COL3A1: variants seen among roughly 807,000 people sequenced by gnomAD.
The protein encoded by COL3A1 is collagen type III alpha 1 chain.
In COL3A1, 46 loss-of-function variants were observed where a neutral mutation model predicts 200.9. The ratio of observed to expected loss-of-function variants is 0.23; its 90% CI spans 0.18 to 0.29. The LOEUF (loss-of-function observed/expected upper bound fraction) is 0.29. Among genes scored for constraint, COL3A1 ranks in the 10% least tolerant of loss-of-function variants. The pLI is 1.00. For synonymous variants in COL3A1, 650 were observed against 628.0 expected (o/e 1.03, Z -0.52); for missense variants, 1,367 against 1,917.6 (o/e 0.71, Z 5.36).
intron 32 of COL3A1, 27 bp from the exon 33 acceptor site, chr2:189,001,370 A>G: frequency 6.2e-7 from 1 of 1,607,944 alleles, no homozygotes; most frequent in Non-Finnish European, 8.5e-7. Context: ...TATCTTCAAA[A>G]TTAAAAAATA....
At chr2:188,995,669 T>C (rs1263257887) in intron 21 of COL3A1, 23 bp from the exon 22 acceptor site, 2 of 1,525,520 alleles carry the variant, frequency 1.3e-6, no homozygotes, top group African/African-American at 2.8e-5. Context: ...TTTAATTTTT[T>C]TAAAATTTCT....
intron 1 of COL3A1, 87 bp downstream of exon 1, chr2:188,974,655 G>A (rs1276046575): frequency 3.8e-6 from 4 of 1,046,292 alleles, no homozygotes; most frequent in African/African-American, 1.6e-5. Context: ...AAAATCAGTT[G>A]CCTGATTCAA....
At chr2:188,996,362 T>C (rs971616296) in intron 23 of COL3A1, 36 bp from the exon 24 acceptor site, 17 of 1,546,182 alleles carry the variant, frequency 1.1e-5, no homozygotes, top group Non-Finnish European at 1.5e-5. Context: ...ATCTTCTCTT[T>C]ATCAAACCTT....
In COL3A1 at chr2:189,010,382, CT is replaced by C. The variant is rs761798265; in HGVS notation, c.4011+24del. 3 of 1,613,062 alleles carry C rather than the reference CT, an allele frequency of 1.9e-6. No homozygotes were observed. Among genetic ancestry groups the C allele is most frequent in the Non-Finnish European group, 1.7e-6 (2 of 1,179,136 alleles). On this transcript the variant is annotated intron_variant, in intron 49 of 50. Coordinates refer to ENST00000304636, the MANE Select transcript of COL3A1 (RefSeq NM_000090.4). ...GGTTTTCAGGTAGGAAAGGATATAC[CT>C]TTTTTTAAATAAGTCACCTCTATAT...
rs1041467580 is a variant in COL3A1 at position 188,991,365 on chromosome 2, T to C, written c.853-122T>C. The C allele has an allele frequency of 1.6e-4, 111 of 684,686 alleles. 2 individuals are homozygous for C. The South Asian group carries it at 2.6e-3, about 16-fold the overall frequency. 42.4% of individuals were successfully genotyped at this position (684,686 alleles called of 1,614,324 possible). On this transcript the variant is annotated intron_variant, in intron 11 of 50. Coordinates refer to ENST00000304636, the MANE Select transcript of COL3A1 (RefSeq NM_000090.4). ...AAATAAAATACTAACAGAAAATTAA[T>C]ATTGTTAAAATGTATATCTTTTTCT... is the stretch of plus-strand genomic sequence containing the variant.
chr2:188,992,794 C>T lies in COL3A1; in HGVS notation c.997-93C>T, dbSNP rs565578050. ...ATATCATTTTTATCTGCATAAATAT[C>T]TTCTTTACTTTATATGTGCTCACTT... On this transcript the variant is annotated intron_variant, in intron 14 of 50. Coordinates refer to ENST00000304636, the MANE Select transcript of COL3A1 (RefSeq NM_000090.4). The T allele has an allele frequency of 7.6e-3, 7,398 of 969,798 alleles. 53 individuals carry two copies. The highest frequency in any genetic ancestry group is 0.011 in the Non-Finnish European group (6,363 of 594,262). The allele number at this position is 969,798 out of a possible 1,614,324, so 60.1% of individuals were successfully genotyped here.
At position 189,006,917 on chromosome 2, in the gene COL3A1, A is replaced by G. The variant is rs1688597270; in HGVS notation, c.3202-20A>G. 6.2e-7 allele frequency: 1 copy of G among 1,612,934 alleles called. No homozygotes were observed. The highest frequency in any genetic ancestry group is 1.1e-5 in the South Asian group (1 of 91,052). On this transcript the variant is annotated intron_variant, in intron 43 of 50. Coordinates refer to ENST00000304636, the MANE Select transcript of COL3A1 (RefSeq NM_000090.4). Reference sequence around the variant, plus strand: ...AACTAGTTCCGTGTATGTCTTCTCAATTGAATGTTTTCATCTTAGGGCCCT... The same window carrying G: ...AACTAGTTCCGTGTATGTCTTCTCAGTTGAATGTTTTCATCTTAGGGCCCT...
In COL3A1 at chr2:189,010,850, A is replaced by G. The variant is rs1688708577; in HGVS notation, c.4214A>G (p.Asn1405Ser). Reference protein sequence around the residue: ...SNEGEFKAEGNSKFTYTVLED... With the variant: ...SNEGEFKAEGSSKFTYTVLED... ...GAAGGTGAATTCAAGGCTGAAGGAA[A>G]TAGCAAATTCACCTACACAGTTCTG... Residue 1405 changes from asparagine (N) to serine (S), a missense_variant, in exon 50 of 51, where the codon AAT becomes AGT. Transcript: ENST00000304636. 1 of 1,614,216 alleles carries G rather than the reference A, an allele frequency of 6.2e-7. No individual in the cohort carries two copies. The highest frequency in any genetic ancestry group is 1.7e-5 in the Admixed American group (1 of 60,032).
Position 188,998,692 on chromosome 2 carries a change from G to T in COL3A1, c.1996G>T (p.Gly666Cys). 1 of 1,613,842 alleles carries T rather than the reference G, an allele frequency of 6.2e-7. No individual in the cohort carries two copies. Among genetic ancestry groups the T allele is most frequent in the Non-Finnish European group, 8.5e-7 (1 of 1,179,866 alleles). ...PGEPGPKGDA[G>C]APGAPGGKGD... is the part of the protein sequence containing the mutation. ...CTCCCAGGGTCCAAAGGGTGATGCC[G>T]GTGCACCTGGAGCTCCAGGAGGCAA... Residue 666 changes from glycine (G) to cysteine (C), a missense_variant, in exon 29 of 51, where the codon GGT becomes TGT. Gly to Cys is a radical substitution (Grantham distance 159). Around this residue, in one of 5 missense-constraint regions of COL3A1, gnomAD observed 846 missense variants for 1,147.9 expected, o/e 0.74. Transcript: ENST00000304636.
intron 1 of COL3A1, among the ~76,000 whole-genome samples, chr2:188,977,051 C>T (rs1687835468): frequency 6.6e-6 from 1 of 152,098 alleles, no homozygotes; most frequent in Non-Finnish European, 1.5e-5. Context: ...GACACGAAAA[C>T]ACAATGGTAA....
chr2:188,984,556 G>T (rs540813025), intron 1 of COL3A1, among the ~76,000 whole-genome samples: 1 of 151,990 alleles, frequency 6.6e-6, no homozygotes, highest in Non-Finnish European at 1.5e-5. Flanking sequence ...CCAATTTTAT[G>T]TTAACAAGCA....
chr2:189,008,741 A>G, intron 47 of COL3A1, 183 bp from the exon 48 acceptor site: 2 of 643,270 alleles, frequency 3.1e-6, no homozygotes, highest in Non-Finnish European at 5.5e-6. Context: ...TTGATAATGA[A>G]TTGTAGTTAT....
Position 188,987,146 on chromosome 2 carries a change from A to T in COL3A1, c.528+7A>T. ...AGGCTATCCTGGACCAGCTGTACGT[A>T]CAAATGTTTCTCAGCATTTTGGAGC... is the stretch of plus-strand genomic sequence containing the variant. On this transcript the variant is annotated splice_region_variant and intron_variant, in intron 5 of 50. Transcript: ENST00000304636. 6.2e-7 allele frequency: 1 copy of T among 1,608,818 alleles called. No homozygotes were observed.
Position 188,994,906 on chromosome 2 carries a change from C to A in COL3A1, c.1455+75C>A. 1.3e-6 allele frequency: 2 copies of A among 1,573,052 alleles called. No homozygotes were observed. Among genetic ancestry groups the A allele is most frequent in the Non-Finnish European group, 1.7e-6 (2 of 1,143,620 alleles). ...AAATAAAACTACCTTCAGGGTGAGACAGCCAATTTTTCTTAAGTTGAGTGT... is the reference window on the plus strand; with the variant it reads ...AAATAAAACTACCTTCAGGGTGAGAAAGCCAATTTTTCTTAAGTTGAGTGT... On this transcript the variant is annotated intron_variant, in intron 20 of 50. Coordinates refer to ENST00000304636, the MANE Select transcript of COL3A1 (RefSeq NM_000090.4). This position sits in a 1 kb window ranked among gnomAD's most constrained non-coding sequence, Gnocchi z 4.5.
At position 188,980,033 on chromosome 2, in the gene COL3A1, A is replaced by G. The variant is rs886537840; in HGVS notation, c.80-4727A>G. 1.4e-4 allele frequency among the ~76,000 whole-genome samples: 22 copies of G among 151,812 alleles called. No individual in the cohort carries two copies. In the Middle Eastern group the frequency reaches 0.01, roughly 70 times the overall value. On this transcript the variant is annotated intron_variant, in intron 1 of 50. Transcript: ENST00000304636. The stretch of plus-strand genomic sequence containing the variant: ...GTCCCTACAAGATAGGAGGTACTAT[A>G]GCACTAGTTTTACTAACGCTGGCAA...
In COL3A1 at chr2:188,990,338, T is replaced by C. The variant is rs1688161034; in HGVS notation, c.776T>C (p.Phe259Ser). Residue 259 changes from phenylalanine to serine, a missense_variant, in exon 10 of 51, where the codon TTC (phenylalanine) becomes TCC (serine). By Grantham distance (155) the Phe-to-Ser change is radical. Around this residue, in one of 5 missense-constraint regions of COL3A1, gnomAD observed 462 missense variants for 681.4 expected, o/e 0.68. Coordinates refer to ENST00000304636, the MANE Select transcript of COL3A1 (RefSeq NM_000090.4). ...AAAGGTCCAGCTGGGATACCTGGAT[T>C]CCCTGGTATGAAAGGACACAGAGTA... is the stretch of plus-strand genomic sequence containing the variant. Reference protein sequence around the residue: ...GIKGPAGIPGFPGMKGHRGFD... With the variant: ...GIKGPAGIPGSPGMKGHRGFD... 6.2e-7 allele frequency: 1 copy of C among 1,613,136 alleles called. No homozygotes were observed. The highest frequency in any genetic ancestry group is 8.5e-7 in the Non-Finnish European group (1 of 1,179,414).
intron 1 of COL3A1, among the ~76,000 whole-genome samples, chr2:188,977,787 T>A (rs910550723): frequency 3.3e-5 from 5 of 152,080 alleles, no homozygotes; most frequent in African/African-American, 1.2e-4. Flanking sequence ...AAATTATATA[T>A]CGTCCTAGAA....
rs1405833806 is a variant in COL3A1 at position 188,994,962 on chromosome 2, G to A, written c.1456-84G>A. 2 of 1,555,632 alleles carry A rather than the reference G, an allele frequency of 1.3e-6. No individual in the cohort carries two copies. Among genetic ancestry groups the A allele is most frequent in the East Asian group, 4.5e-5 (2 of 44,570 alleles). ...GAAAATATTGTTTAAAGCATTCTAT[G>A]ACATAAAAATATTTGCCACTCAAGA... On this transcript the variant is annotated intron_variant, in intron 20 of 50. Transcript: ENST00000304636. The surrounding 1 kb of genome is among the most constrained non-coding windows in gnomAD (Gnocchi z 4.5).
intron 48 of COL3A1, 82 bp downstream of exon 48, chr2:189,009,303 C>T: frequency 6.6e-7 from 1 of 1,520,036 alleles, no homozygotes; most frequent in Non-Finnish European, 9.1e-7. Flanking sequence ...GAAAAAACAT[C>T]TACTTTCAAT....
Sources: allele counts gnomAD v4.1 joint callset (sites outside exome capture counted in the v4.1 genomes callset), GRCh38; gene constraint gnomAD v4.1.1; regional missense constraint gnomAD v4.1.1; non-coding constraint Gnocchi (gnomAD v3.1); transcripts MANE v1.5; gene names NCBI Gene and HGNC (gene_info 2026-07-23, HGNC 2026-07-21).